The following AFG2A variants were observed in gnomAD, a reference collection of about 807,000 sequenced individuals.
The protein encoded by AFG2A is ATPase family gene 2 protein homolog A.
chr4:123,234,627 A>G, the AFG2A span, among the ~76,000 whole-genome samples: 2 of 152,148 alleles, frequency 1.3e-5, no homozygotes. Context: ...GTGATTCTCT[A>G]ATTATCTTCA....
the AFG2A span, among the ~76,000 whole-genome samples, chr4:123,280,567 CT>C: frequency 6.6e-6 from 1 of 152,174 alleles, no homozygotes; most frequent in African/African-American, 2.4e-5. Context: ...ATTTCTTTGC[CT>C]TTTTCAGCTT....
chr4:123,014,707 A>T, the AFG2A span, among the ~76,000 whole-genome samples: 1 of 152,136 alleles, frequency 6.6e-6, no homozygotes, highest in Non-Finnish European at 1.5e-5. Flanking sequence ...AATATTTTTC[A>T]TGTTTTTTTC....
chr4:123,040,394 G>A, the AFG2A span, among the ~76,000 whole-genome samples: 2 of 152,138 alleles, frequency 1.3e-5, no homozygotes, highest in African/African-American at 4.8e-5. Context: ...GGCCTGCAGT[G>A]TATTTTGGTC....
chr4:123,002,861 G>C, the AFG2A span, among the ~76,000 whole-genome samples: 1 of 152,168 alleles, frequency 6.6e-6, no homozygotes. Context: ...TGCCTTGCTG[G>C]ATTGGGGAAG....
chr4:123,236,911 G>A, the AFG2A span, among the ~76,000 whole-genome samples: 2 of 152,138 alleles, frequency 1.3e-5, no homozygotes, highest in Non-Finnish European at 2.9e-5. Context: ...CCTGAAAATT[G>A]GTTTAACTTT....
At chr4:123,005,183 C>T in the AFG2A span, among the ~76,000 whole-genome samples, 1 of 151,908 alleles carries the variant, frequency 6.6e-6, no homozygotes, top group Non-Finnish European at 1.5e-5. Flanking sequence ...CAGAGTCTCA[C>T]TCTGTTGGCC....
At chr4:123,121,258 AAAT>A in the AFG2A span, among the ~76,000 whole-genome samples, 623 of 82,622 alleles carry the variant, frequency 7.5e-3, 2 homozygotes, top group Admixed American at 0.013. Context: ...TAAAAAAAAA[AAAT>A]AATAAATAAA....
chr4:123,169,772 C>T, the AFG2A span, among the ~76,000 whole-genome samples: 2 of 152,194 alleles, frequency 1.3e-5, no homozygotes, highest in African/African-American at 2.4e-5. Flanking sequence ...TGAGCCACCG[C>T]GCCCGGCCTG....
At chr4:123,022,911 C>T in the AFG2A span, among the ~76,000 whole-genome samples, 1 of 151,954 alleles carries the variant, frequency 6.6e-6, no homozygotes, top group Non-Finnish European at 1.5e-5. Context: ...TGGAAATCAT[C>T]ATTCGCAGTA....
chr4:122,954,898 C>T, the AFG2A span, among the ~76,000 whole-genome samples: 12 of 152,200 alleles, frequency 7.9e-5, no homozygotes, highest in Admixed American at 5.2e-4. Flanking sequence ...CATTGGGTCC[C>T]ATCCATCAAG....
chr4:123,130,939 T>C, the AFG2A span, among the ~76,000 whole-genome samples: 1 of 151,002 alleles, frequency 6.6e-6, no homozygotes, highest in Non-Finnish European at 1.5e-5. Flanking sequence ...GTTTTTTTTT[T>C]CTTTAGTTTT....
the AFG2A span, among the ~76,000 whole-genome samples, chr4:123,132,723 A>G: frequency 6.6e-5 from 10 of 150,800 alleles, no homozygotes; most frequent in African/African-American, 9.7e-5. Flanking sequence ...TAATGCTTCA[A>G]TGAACATGGA....
At chr4:123,180,978 C>CTTTTTTTTTTTTTTTTTTTTT in the AFG2A span, among the ~76,000 whole-genome samples, 7 of 118,366 alleles carry the variant, frequency 5.9e-5, no homozygotes, top group Non-Finnish European at 8.5e-5. Context: ...TCCTCCCCCT[C>CTTTTTTTTTTTTTTTTTTTTT]TTTTTTTTTT....
At chr4:123,041,771 G>C in the AFG2A span, among the ~76,000 whole-genome samples, 1 of 149,546 alleles carries the variant, frequency 6.7e-6, no homozygotes, top group Non-Finnish European at 1.5e-5. Context: ...TAGGTGATCC[G>C]CCCACCTCAG....
chr4:123,090,558 A>G, the AFG2A span: 1 of 1,613,096 alleles, frequency 6.2e-7, no homozygotes, highest in Non-Finnish European at 8.5e-7. Flanking sequence ...GATATTTTTT[A>G]AACCGTACTT....
chr4:123,050,566 GTC>G, the AFG2A span, among the ~76,000 whole-genome samples: 308 of 152,018 alleles, frequency 2.0e-3, 1 homozygote, highest in African/African-American at 7.2e-3. Flanking sequence ...GACTTTCTTT[GTC>G]TCTTTTTACA....
chr4:123,012,327 G>C, the AFG2A span, among the ~76,000 whole-genome samples: 2 of 148,974 alleles, frequency 1.3e-5, no homozygotes, highest in African/African-American at 5.0e-5. Flanking sequence ...AAGGGGTATG[G>C]GGTGCTTGCC....
At chr4:123,139,986 G>T in the AFG2A span, among the ~76,000 whole-genome samples, 1 of 151,950 alleles carries the variant, frequency 6.6e-6, no homozygotes, top group Non-Finnish European at 1.5e-5. Context: ...CTCAGGAGTA[G>T]GCAAATATCA....
chr4:123,312,182 A>G, the AFG2A span, among the ~76,000 whole-genome samples: 1 of 152,222 alleles, frequency 6.6e-6, no homozygotes, highest in Non-Finnish European at 1.5e-5. Flanking sequence ...GAAATAGTAC[A>G]GTAATTAATA....
Sources: gnomAD v4.1 joint callset for allele counts (sites outside exome capture counted in the v4.1 genomes callset) on GRCh38, gnomAD v4.1.1 for gene constraint, MANE v1.5 for transcripts, NCBI Gene and HGNC (gene_info 2026-07-23, HGNC 2026-07-21) for gene names.